TENM2: variants seen among roughly 807,000 people sequenced by gnomAD.
The protein encoded by TENM2 is teneurin-2.
In TENM2, 52 loss-of-function variants were observed where a neutral mutation model predicts 245.2. That is an observed-to-expected ratio of 0.21 (90% CI 0.17 to 0.27). TENM2 has a LOEUF of 0.27. TENM2 is among the 10% of genes least tolerant of loss of function. TENM2 has a pLI of 1.00. For synonymous variants in TENM2, 1,363 were observed against 1,438.9 expected, an observed-to-expected ratio of 0.95 and a Z score of 1.19; for missense variants, 3,046 against 3,666.8, an observed-to-expected ratio of 0.83 and a Z score of 4.37.
At chr5:167,781,266 G>C (rs1203322421) in intron 2 of TENM2, among the ~76,000 whole-genome samples, 1 of 152,218 alleles carries the variant, frequency 6.6e-6, no homozygotes, top group Admixed American at 6.5e-5. Flanking sequence ...AGCTATGATT[G>C]CAACACTGCA....
chr5:167,492,730 G>A (rs532624271), intron 2 of TENM2, among the ~76,000 whole-genome samples: 1 of 152,096 alleles, frequency 6.6e-6, no homozygotes, highest in African/African-American at 2.4e-5. Context: ...AGAAGAGCAG[G>A]CTCAATGGTG....
At chr5:168,125,306 T>G (rs909836193) in intron 11 of TENM2, among the ~76,000 whole-genome samples, 28 of 152,120 alleles carry the variant, frequency 1.8e-4, no homozygotes, top group African/African-American at 5.8e-4. Flanking sequence ...CCATTTGCAT[T>G]ATAGGTTTTC....
chr5:167,872,484 AAAAG>A lies in TENM2; in HGVS notation c.503-3440_503-3437del, dbSNP rs377717879. Among the ~76,000 whole-genome samples, 215 of 99,736 alleles carry A rather than the reference AAAAG, an allele frequency of 2.2e-3. 1 individual carries two copies. Among genetic ancestry groups the A allele is most frequent in the African/African-American group, 4.6e-3 (124 of 27,182 alleles). The allele number at this position is 99,736 out of a possible 152,430, so 65.4% of individuals were successfully genotyped here. A position where few individuals can be genotyped will look rare whatever the true frequency, so the allele number is the denominator to read the frequency against. Reference sequence around the variant, plus strand: ...CACGAAAGAAAGAAAGAAAGAAAGAAAAAGAAAGAAAGAAAGAAAGAAAGAAAGA... The same window carrying A: ...CACGAAAGAAAGAAAGAAAGAAAGAAAAAGAAAGAAAGAAAGAAAGAAAGA... On this transcript the variant is annotated intron_variant, in intron 2 of 28. Coordinates refer to ENST00000518659, the Ensembl canonical transcript of TENM2.
chr5:168,241,692 G>A (rs1043655040), intron 25 of TENM2, among the ~76,000 whole-genome samples: 1 of 152,112 alleles, frequency 6.6e-6, no homozygotes, highest in Non-Finnish European at 1.5e-5. Context: ...CACTTGTCTA[G>A]TTATGGGACT....
At chr5:167,467,220 A>C (rs1309389174) in intron 2 of TENM2, among the ~76,000 whole-genome samples, 2 of 152,068 alleles carry the variant, frequency 1.3e-5, no homozygotes, top group Non-Finnish European at 2.9e-5. Flanking sequence ...GTGAGTTCTC[A>C]CAAGATCTGA....
At chr5:167,213,895 T>A in the TENM2 span, among the ~76,000 whole-genome samples, 1 of 152,214 alleles carries the variant, frequency 6.6e-6, no homozygotes, top group Admixed American at 6.5e-5. Context: ...GGATTAGTAT[T>A]TGAAAACCAC....
chr5:167,239,021 CT>C, the TENM2 span, among the ~76,000 whole-genome samples: 699 of 152,272 alleles, frequency 4.6e-3, 17 homozygotes, highest in East Asian at 0.052. Flanking sequence ...AGCAACATTC[CT>C]TATGTGTCTG....
intron 1 of TENM2, among the ~76,000 whole-genome samples, chr5:167,334,283 C>T (rs1230257528): frequency 6.6e-6 from 1 of 152,258 alleles, no homozygotes. Flanking sequence ...CTTAACCAAA[C>T]TTAAAAACTG....
At position 167,350,413 on chromosome 5, in the gene TENM2, A is replaced by G. The variant is rs866550041; in HGVS notation, c.227-24785A>G. Reference sequence around the variant, plus strand: ...ATTATGAAAACCCATATACATATATATGTGTGTGTGTGTGTGTGTGTGTGT... The same window carrying G: ...ATTATGAAAACCCATATACATATATGTGTGTGTGTGTGTGTGTGTGTGTGT... On this transcript the variant is annotated intron_variant, in intron 1 of 28. Coordinates refer to ENST00000518659, the Ensembl canonical transcript of TENM2. Among the ~76,000 whole-genome samples, 896 of 141,918 alleles carry G rather than the reference A, an allele frequency of 6.3e-3. 6 individuals are homozygous for G. The highest frequency in any genetic ancestry group is 0.011 in the Non-Finnish European group (732 of 65,614). 93.1% of individuals were successfully genotyped at this position (141,918 alleles called of 152,430 possible).
the TENM2 span, among the ~76,000 whole-genome samples, chr5:167,046,202 C>G: frequency 6.6e-6 from 1 of 152,078 alleles, no homozygotes; most frequent in Non-Finnish European, 1.5e-5. Flanking sequence ...GTGTGGACGT[C>G]TCTCACCTCT....
rs70976420 is a variant in TENM2 at position 167,391,647 on chromosome 5, A to AAAAAAAAAT, written c.502+16174_502+16175insAAAAAAAAT. Among the ~76,000 whole-genome samples, 5 of 126,868 alleles carry AAAAAAAAAT rather than the reference A, an allele frequency of 3.9e-5. 1 individual carries two copies. The highest frequency in any genetic ancestry group is 9.8e-5 in the African/African-American group (3 of 30,528). The allele number at this position is 126,868 out of a possible 152,430, so 83.2% of individuals were successfully genotyped here. On this transcript the variant is annotated intron_variant, in intron 2 of 28. Transcript: ENST00000518659. ...CAAAAAAAAAAAAAAAAAAAAAAAAAGCACTCTCAAGGATTTCTAACTTTA... is the reference window on the plus strand; with the variant it reads ...CAAAAAAAAAAAAAAAAAAAAAAAAAAAAAAAAATGCACTCTCAAGGATTTCTAACTTTA...
At chr5:167,964,559 T>C (rs1781250371) in intron 4 of TENM2, among the ~76,000 whole-genome samples, 1 of 152,212 alleles carries the variant, frequency 6.6e-6, no homozygotes, top group Admixed American at 6.5e-5. Context: ...ACCTCTGTCC[T>C]TATGGAGATT....
intron 13 of TENM2, among the ~76,000 whole-genome samples, chr5:168,182,948 A>G (rs1461110595): frequency 2.0e-5 from 3 of 149,750 alleles, no homozygotes; most frequent in African/African-American, 7.4e-5. Flanking sequence ...CTTCTGCCTC[A>G]GCCTCCCGAG....
the TENM2 span, among the ~76,000 whole-genome samples, chr5:167,192,145 G>T: frequency 2.1e-4 from 32 of 152,176 alleles, no homozygotes; most frequent in Admixed American, 1.7e-3. Flanking sequence ...TCATCTTAGT[G>T]TGGGCAGAAC....
intron 5 of TENM2, among the ~76,000 whole-genome samples, chr5:168,029,043 T>C (rs1295787955): frequency 2.6e-5 from 4 of 152,144 alleles, no homozygotes; most frequent in African/African-American, 9.7e-5. Flanking sequence ...GAAACTTATT[T>C]CTTGGGTCTG....
intron 2 of TENM2, among the ~76,000 whole-genome samples, chr5:167,678,309 C>T (rs555819708): frequency 6.6e-6 from 1 of 152,184 alleles, no homozygotes; most frequent in East Asian, 1.9e-4. Context: ...ATACGAAACA[C>T]TTCTTGTTAT....
At chr5:167,321,241 T>C (rs776411248) in intron 1 of TENM2, among the ~76,000 whole-genome samples, 1 of 152,120 alleles carries the variant, frequency 6.6e-6, no homozygotes, top group Non-Finnish European at 1.5e-5. Context: ...AGATGCAAAC[T>C]CATTTTTTTG....
chr5:167,640,548 G>A (rs978117413), intron 2 of TENM2, among the ~76,000 whole-genome samples: 4 of 150,292 alleles, frequency 2.7e-5, no homozygotes, highest in African/African-American at 9.8e-5. Flanking sequence ...AACCCATGAC[G>A]TGGAGGTTGC....
chr5:168,066,890 A>G (rs1790556652), intron 7 of TENM2, among the ~76,000 whole-genome samples: 1 of 152,210 alleles, frequency 6.6e-6, no homozygotes, highest in Non-Finnish European at 1.5e-5. Context: ...CTACAGTGCT[A>G]GGTGTCAAAG....
Sources: allele counts gnomAD v4.1 joint callset (sites outside exome capture counted in the v4.1 genomes callset), GRCh38; gene constraint gnomAD v4.1.1; transcripts MANE v1.5; gene names NCBI Gene and HGNC (gene_info 2026-07-23, HGNC 2026-07-21).